Variants in SLC4A4 observed in about 807,000 individuals in gnomAD.
SLC4A4 encodes the protein electrogenic sodium bicarbonate cotransporter 1.
Under a neutral mutation model 111.5 loss-of-function variants are expected in SLC4A4, and 27 were observed. The ratio of observed to expected loss-of-function variants is 0.24; its 90% CI spans 0.18 to 0.33. SLC4A4 has a LOEUF of 0.33. SLC4A4 is among the 10% of genes least tolerant of loss of function. The probability of loss-of-function intolerance (pLI) is 1.00; values close to 1 mark genes in which losing one functional copy is unlikely to be tolerated. For synonymous variants in SLC4A4, 443 were observed against 463.4 expected (o/e 0.96, Z 0.57); for missense variants, 909 against 1,315.5 (o/e 0.69, Z 4.78).
In SLC4A4 at chr4:71,566,996, T is replaced by C. The variant is rs1367147021; in HGVS notation, c.3197-8T>C. On this transcript the variant is annotated splice_polypyrimidine_tract_variant and splice_region_variant and intron_variant, in intron 24 of 25. Coordinates refer to ENST00000264485, the MANE Select transcript of SLC4A4 (RefSeq NM_001098484.3). ...CCATTTATGTTTTTAAAAAATTTTA[T>C]TTTCCAGGAGAAAGATCACCAACAT... 1.2e-6 allele frequency: 2 copies of C among 1,608,142 alleles called. No individual in the cohort carries two copies. Among genetic ancestry groups the C allele is most frequent in the Admixed American group, 3.4e-5 (2 of 59,484 alleles).
intron 2 of SLC4A4, among the ~76,000 whole-genome samples, chr4:71,158,690 T>G (rs1006869145): frequency 6.6e-6 from 1 of 152,164 alleles, no homozygotes; most frequent in African/African-American, 2.4e-5. Context: ...TCAATATAGA[T>G]TTTGATTTCC....
chr4:71,486,158 G>A (rs1729381712), intron 14 of SLC4A4, among the ~76,000 whole-genome samples: 1 of 151,338 alleles, frequency 6.6e-6, no homozygotes, highest in Admixed American at 6.6e-5. Flanking sequence ...TATAAATTAG[G>A]AATATGCTCT....
intron 3 of SLC4A4, among the ~76,000 whole-genome samples, chr4:71,285,714 T>C (rs1723862793): frequency 6.6e-6 from 1 of 152,184 alleles, no homozygotes; most frequent in Non-Finnish European, 1.5e-5. Flanking sequence ...AAAAGATGCA[T>C]TTAAAGGAGA....
chr4:71,208,114 C>A (rs1262517328), intron 1 of SLC4A4, among the ~76,000 whole-genome samples: 1 of 152,112 alleles, frequency 6.6e-6, no homozygotes, highest in Non-Finnish European at 1.5e-5. Flanking sequence ...TGGCTGCTCT[C>A]CTCCTTTGAC....
At chr4:71,283,958 G>A (rs1355160309) in intron 3 of SLC4A4, among the ~76,000 whole-genome samples, 1 of 152,154 alleles carries the variant, frequency 6.6e-6, no homozygotes, top group Non-Finnish European at 1.5e-5. Context: ...AATTTTCTCA[G>A]CAGTCAGCTT....
intron 1 of SLC4A4, among the ~76,000 whole-genome samples, chr4:71,192,295 C>T (rs1051004056): frequency 1.3e-5 from 2 of 151,730 alleles, no homozygotes; most frequent in Admixed American, 6.6e-5. Flanking sequence ...TGTTCCCCAG[C>T]AAAAAAGTCT....
At chr4:71,168,695 G>A (rs1227447489) in intron 2 of SLC4A4, among the ~76,000 whole-genome samples, 1 of 150,128 alleles carries the variant, frequency 6.7e-6, no homozygotes, top group African/African-American at 2.5e-5. Flanking sequence ...ACAAATAAGT[G>A]AGAACATGTG....
At chr4:71,072,581 G>A (rs1578451866) in intron 1 of SLC4A4, among the ~76,000 whole-genome samples, 1 of 149,398 alleles carries the variant, frequency 6.7e-6, no homozygotes, top group African/African-American at 2.5e-5. Context: ...CTTTTAATAT[G>A]CACTTTAGAT....
chr4:71,177,259 A>G (rs1204237965), intron 2 of SLC4A4, among the ~76,000 whole-genome samples: 1 of 152,220 alleles, frequency 6.6e-6, no homozygotes, highest in East Asian at 1.9e-4. Context: ...GCTAGGAAGA[A>G]ACTGCATCAA....
At chr4:71,360,077 CA>C (rs889512406) in intron 6 of SLC4A4, among the ~76,000 whole-genome samples, 2 of 152,102 alleles carry the variant, frequency 1.3e-5, no homozygotes, top group African/African-American at 4.8e-5. Flanking sequence ...TATAAACATA[CA>C]ATTTAATAAT....
chr4:71,484,136 T>C (rs952619286), intron 14 of SLC4A4, among the ~76,000 whole-genome samples: 3 of 151,928 alleles, frequency 2.0e-5, no homozygotes, highest in African/African-American at 7.2e-5. Flanking sequence ...TTGTTTACTC[T>C]GTTGATAGTT....
In SLC4A4 at chr4:71,273,859, A is replaced by C. The variant is rs1722884285; in HGVS notation, c.253+18460A>C. Among the ~76,000 whole-genome samples the C allele has an allele frequency of 2.0e-5, 3 of 152,142 alleles. No individual in the cohort carries two copies. The South Asian group carries it at 6.2e-4, about 32-fold the overall frequency. Reference sequence around the variant, plus strand: ...AACTTCTTTAAGTCTCAGTTTCTTTATCTGAAAAATGGTGGTAATACTGTC... The same window carrying C: ...AACTTCTTTAAGTCTCAGTTTCTTTCTCTGAAAAATGGTGGTAATACTGTC... On this transcript the variant is annotated intron_variant, in intron 3 of 25. Transcript: ENST00000264485.
chr4:71,279,405 G>A (rs974523792), intron 3 of SLC4A4, among the ~76,000 whole-genome samples: 2 of 151,874 alleles, frequency 1.3e-5, no homozygotes, highest in African/African-American at 2.4e-5. Context: ...CTGTGTTGTC[G>A]CAAATGACAG....
At chr4:71,120,952 G>C (rs1312825852) in intron 2 of SLC4A4, among the ~76,000 whole-genome samples, 1 of 152,220 alleles carries the variant, frequency 6.6e-6, no homozygotes, top group Non-Finnish European at 1.5e-5. Flanking sequence ...AGGAACCAGG[G>C]CAGCACGCCG....
chr4:71,145,072 T>C lies in SLC4A4; in HGVS notation c.-2+52280T>C, dbSNP rs186155150. Among the ~76,000 whole-genome samples, 239 of 152,310 alleles carry C rather than the reference T, an allele frequency of 1.6e-3. 1 individual carries two copies. The highest frequency in any genetic ancestry group is 5.5e-3 in the African/African-American group (227 of 41,570). Reference sequence around the variant, plus strand: ...GAGTTTTTGTCCATTCAGTATGATATTGGCTGTGCGTTTGTCATAGATAAC... The same window carrying C: ...GAGTTTTTGTCCATTCAGTATGATACTGGCTGTGCGTTTGTCATAGATAAC... On this transcript the variant is annotated intron_variant, in intron 2 of 26. Transcript: ENST00000649996.
At chr4:71,447,278 T>C (rs966613295) in intron 8 of SLC4A4, among the ~76,000 whole-genome samples, 1 of 152,204 alleles carries the variant, frequency 6.6e-6, no homozygotes, top group Non-Finnish European at 1.5e-5. Flanking sequence ...TTCTAGTTAT[T>C]GTGCTTGATG....
At chr4:71,244,505 C>T (rs1056461918) in intron 2 of SLC4A4, among the ~76,000 whole-genome samples, 3 of 152,118 alleles carry the variant, frequency 2.0e-5, no homozygotes, top group Non-Finnish European at 4.4e-5. Context: ...AGAATTTGCA[C>T]CTCTCATCTC....
At chr4:71,225,089 C>T (rs1049954117) in intron 1 of SLC4A4, among the ~76,000 whole-genome samples, 14 of 152,134 alleles carry the variant, frequency 9.2e-5, no homozygotes, top group Non-Finnish European at 1.3e-4. Context: ...CGGTGGCTCA[C>T]GCCTGTAATC....
At chr4:71,446,788 C>G (rs1042202045) in intron 8 of SLC4A4, among the ~76,000 whole-genome samples, 1 of 152,154 alleles carries the variant, frequency 6.6e-6, no homozygotes, top group African/African-American at 2.4e-5. Context: ...GGATTTATCC[C>G]ACGTCACCTT....
Sources: gnomAD v4.1 joint callset for allele counts (sites outside exome capture counted in the v4.1 genomes callset) on GRCh38, gnomAD v4.1.1 for gene constraint, MANE v1.5 for transcripts, NCBI Gene and HGNC (gene_info 2026-07-23, HGNC 2026-07-21) for gene names.